TDP1: variants seen among roughly 807,000 people sequenced by gnomAD.
TDP1 encodes the protein tyrosyl-DNA phosphodiesterase 1, also known as tyr-DNA phosphodiesterase 1.
TDP1 carries 64 observed loss-of-function variants against 81.5 expected under a neutral mutation model. The observed-to-expected ratio is 0.79, with a 90% CI of 0.64 to 0.97. TDP1 has a LOEUF of 0.97. Among genes scored for constraint, TDP1 ranks in the 50% least tolerant of loss-of-function variants. TDP1 has a pLI of 0.00. For synonymous variants in TDP1, 256 were observed against 264.3 expected, an observed-to-expected ratio of 0.97 and a Z score of 0.30; for missense variants, 723 against 743.8, an observed-to-expected ratio of 0.97 and a Z score of 0.33.
chr14:89,963,880 C>G (rs1162479175), intron 3 of TDP1, among the ~76,000 whole-genome samples: 2 of 152,124 alleles, frequency 1.3e-5, no homozygotes, highest in Non-Finnish European at 2.9e-5. Flanking sequence ...TTCTCAAAAC[C>G]CTGTAGCTCA....
At chr14:89,964,065 G>A (rs1566844905) in intron 3 of TDP1, among the ~76,000 whole-genome samples, 1 of 152,098 alleles carries the variant, frequency 6.6e-6, no homozygotes, top group Non-Finnish European at 1.5e-5. Context: ...CAAATTCTCG[G>A]GCCCCATTCC....
chr14:90,026,023 G>A (rs1886608044), intron 15 of TDP1, among the ~76,000 whole-genome samples: 1 of 152,196 alleles, frequency 6.6e-6, no homozygotes, highest in African/African-American at 2.4e-5. Context: ...TCCCTGTGCT[G>A]GTCTCAGCCT....
intron 6 of TDP1, 30 bp downstream of exon 6, chr14:89,971,301 G>T: frequency 6.5e-7 from 1 of 1,546,714 alleles, no homozygotes; most frequent in Non-Finnish European, 8.9e-7. Context: ...TGGAGAGCAC[G>T]CGTAGTCTGA....
intron 7 of TDP1, among the ~76,000 whole-genome samples, chr14:89,979,395 C>T (rs1032194498): frequency 5.4e-4 from 82 of 151,802 alleles, no homozygotes; most frequent in African/African-American, 1.9e-3. Context: ...CTGCAACCTC[C>T]GCCTCCCAGC....
intron 15 of TDP1, among the ~76,000 whole-genome samples, chr14:90,024,708 T>G (rs1886455203): frequency 6.6e-6 from 1 of 152,224 alleles, no homozygotes. Flanking sequence ...CTGCAGTACT[T>G]ACAAATGCCA....
chr14:90,042,230 A>G (rs1433032617), intron 16 of TDP1, among the ~76,000 whole-genome samples: 1 of 152,220 alleles, frequency 6.6e-6, no homozygotes, highest in African/African-American at 2.4e-5. Context: ...GTTACGTGTG[A>G]CCAGCTGAGA....
intron 8 of TDP1, among the ~76,000 whole-genome samples, chr14:89,980,966 A>G (rs777033022): frequency 6.6e-6 from 1 of 152,222 alleles, no homozygotes; most frequent in Non-Finnish European, 1.5e-5. Flanking sequence ...TAGAGGGCAC[A>G]GCACATGCAG....
rs1374387920 is a variant in TDP1, at chr14:89,967,228, A to G, written c.604-139A>G. ...ATAGGTTTGTTAGTATTGCAGCATA[A>G]CCCTCCAGGTTTATAAATAATACAT... On this transcript the variant is annotated intron_variant, in intron 4 of 16. Coordinates refer to ENST00000335725, the MANE Select transcript of TDP1 (RefSeq NM_018319.4). 5.1e-6 allele frequency: 7 copies of G among 1,374,218 alleles called. No homozygotes were observed. In the Admixed American group the frequency reaches 1.2e-4, roughly 24 times the overall value. 85.1% of individuals were successfully genotyped at this position (1,374,218 alleles called of 1,614,324 possible). A position where few individuals can be genotyped will look rare whatever the true frequency, so the allele number is the denominator to read the frequency against.
chr14:90,038,329 G>T (rs1888020969), intron 16 of TDP1, among the ~76,000 whole-genome samples: 1 of 152,072 alleles, frequency 6.6e-6, no homozygotes. Flanking sequence ...CCTCCAAAAG[G>T]TTTTAAAACC....
chr14:89,989,948 A>G (rs1344273398), intron 12 of TDP1, among the ~76,000 whole-genome samples, 183 bp downstream of exon 12: 2 of 152,206 alleles, frequency 1.3e-5, no homozygotes, highest in African/African-American at 2.4e-5. Context: ...TGGGTGTGTT[A>G]TTAATCCTTA....
At chr14:90,008,024 T>C (rs1232483235) in intron 14 of TDP1, among the ~76,000 whole-genome samples, 1 of 152,242 alleles carries the variant, frequency 6.6e-6, no homozygotes, top group Non-Finnish European at 1.5e-5. Context: ...TTTAAGATTT[T>C]CTTTATATTT....
chr14:90,043,235 T>G lies in TDP1; in HGVS notation c.*92T>G. 12 of 1,511,554 alleles carry G rather than the reference T, an allele frequency of 7.9e-6. No individual in the cohort carries two copies. Among genetic ancestry groups the G allele is most frequent in the Non-Finnish European group, 1.1e-5 (12 of 1,096,720 alleles). 93.6% of individuals were successfully genotyped at this position (1,511,554 alleles called of 1,614,324 possible). ...TACTGGATGTCCACTTCCCTTAAAG[T>G]CTTATTTGCACCCTTACAAAATCTT... On this transcript the variant is annotated 3_prime_UTR_variant, in exon 17 of 17. Transcript: ENST00000335725.
At chr14:90,036,076 G>A (rs564634863) in intron 16 of TDP1, among the ~76,000 whole-genome samples, 5 of 152,136 alleles carry the variant, frequency 3.3e-5, no homozygotes, top group Non-Finnish European at 7.4e-5. Context: ...GCTTTCCAAT[G>A]TTTAAATGAG....
chr14:90,042,829 A>G (rs548693712), intron 16 of TDP1: 1 of 970,726 alleles, frequency 1.0e-6, no homozygotes, highest in South Asian at 4.8e-5. Context: ...GCAATTCAAA[A>G]TGAGATTTGG....
Position 90,002,974 on chromosome 14 carries a change from T to TG in TDP1, c.1541+9491_1541+9492insG, listed in dbSNP as rs199670058. On this transcript the variant is annotated intron_variant, in intron 14 of 16. Transcript: ENST00000335725. ...TTTTTTTTGAGATGGAGTCTCGCCA[T>TG]TCACCCAGGCTGGAGTGCAGTGGCA... Among the ~76,000 whole-genome samples the TG allele has an allele frequency of 6.4e-3, 903 of 141,394 alleles. 6 individuals are homozygous for TG. Among genetic ancestry groups the TG allele is most frequent in the African/African-American group, 0.027 (866 of 31,492 alleles). The allele number at this position is 141,394 out of a possible 152,430, so 92.8% of individuals were successfully genotyped here.
chr14:90,002,280 A>T (rs1304390598), intron 14 of TDP1, among the ~76,000 whole-genome samples: 1 of 152,202 alleles, frequency 6.6e-6, no homozygotes, highest in Non-Finnish European at 1.5e-5. Context: ...ATAACCTGAG[A>T]TAGAGTCCAA....
chr14:89,964,152 C>T (rs34816474), intron 3 of TDP1, among the ~76,000 whole-genome samples: 2,563 of 152,254 alleles, frequency 0.017, 40 homozygotes, highest in Non-Finnish European at 0.025. Context: ...ATTCTACTGC[C>T]CAGTCAAGTT....
At chr14:89,980,742 C>T (rs2140072212) in intron 8 of TDP1, 110 bp downstream of exon 8, 2 of 879,940 alleles carry the variant, frequency 2.3e-6, no homozygotes, top group South Asian at 1.5e-5. Flanking sequence ...GTAAAAATAA[C>T]ACACATGGCC....
At chr14:90,009,738 C>T (rs1884474835) in intron 14 of TDP1, among the ~76,000 whole-genome samples, 1 of 152,166 alleles carries the variant, frequency 6.6e-6, no homozygotes, top group Non-Finnish European at 1.5e-5. Flanking sequence ...GGAGTTTAAA[C>T]ATGATTTCAA....
Sources: gnomAD v4.1 joint callset for allele counts (sites outside exome capture counted in the v4.1 genomes callset) on GRCh38, gnomAD v4.1.1 for gene constraint, MANE v1.5 for transcripts, NCBI Gene and HGNC (gene_info 2026-07-23, HGNC 2026-07-21) for gene names.